Variants in ZSWIM3 observed in about 807,000 individuals in gnomAD.
ZSWIM3 encodes zinc finger SWIM-type containing 3.
ZSWIM3 carries 27 observed loss-of-function variants against 47.5 expected under a neutral mutation model. The observed-to-expected ratio is 0.57, with a 90% CI of 0.42 to 0.78. The LOEUF (loss-of-function observed/expected upper bound fraction) is 0.78, where lower values mean the gene tolerates loss of function less well. Ranked by LOEUF, ZSWIM3 falls within the 30% of genes least tolerant of loss-of-function variation. The pLI is 0.00. For missense variants in ZSWIM3, 689 were observed against 861.3 expected (o/e 0.80, Z 2.50); for synonymous variants, 333 against 333.9 (o/e 1.00, Z 0.03).
At chr20:45,862,265 A>G (rs1035733058) in intron 1 of ZSWIM3, among the ~76,000 whole-genome samples, 1 of 149,698 alleles carries the variant, frequency 6.7e-6, no homozygotes, top group African/African-American at 2.5e-5. Flanking sequence ...CTCCTGCCTC[A>G]GCCTCCCAAG....
Position 45,857,928 on chromosome 20 carries a change from T to G in ZSWIM3, c.103T>G (p.Ser35Ala), listed in dbSNP as rs1324600758. 6.9e-7 allele frequency: 1 copy of G among 1,442,796 alleles called. No individual in the cohort carries two copies. The highest frequency in any genetic ancestry group is 3.3e-5 in the East Asian group (1 of 29,992). The allele number at this position is 1,442,796 out of a possible 1,614,324, so 89.4% of individuals were successfully genotyped here. Residue 35 changes from serine (S) to alanine (A), a missense_variant, in exon 1 of 2, where the codon TCC (serine) becomes GCC (alanine). Ser to Ala is a moderately conservative substitution (Grantham distance 99). Transcript: ENST00000255152. ...CTCCTTCATTCTCAGGGACTGCGTCTCCGTCCGCTTCCACAACCTCAACCA... is the reference window on the plus strand; with the variant it reads ...CTCCTTCATTCTCAGGGACTGCGTCGCCGTCCGCTTCCACAACCTCAACCA... ...RCSFILRDCVSVRFHNLNHGT... is the reference protein window; with the variant it reads ...RCSFILRDCVAVRFHNLNHGT...
At chr20:45,860,427 A>ACTGC (rs1985676799) in intron 1 of ZSWIM3, among the ~76,000 whole-genome samples, 1 of 150,178 alleles carries the variant, frequency 6.7e-6, no homozygotes, top group Non-Finnish European at 1.5e-5. Context: ...AGGCAGCAGA[A>ACTGC]TTGCAGCCGG....
At chr20:45,867,518 G>A (rs1402472340) in intron 1 of ZSWIM3, among the ~76,000 whole-genome samples, 4 of 152,136 alleles carry the variant, frequency 2.6e-5, no homozygotes, top group Admixed American at 1.3e-4. Flanking sequence ...GAATTATGCT[G>A]ACAAGGATGT....
At chr20:45,871,142 T>C (rs868191906) in intron 1 of ZSWIM3, among the ~76,000 whole-genome samples, 2 of 152,240 alleles carry the variant, frequency 1.3e-5, no homozygotes, top group African/African-American at 4.8e-5. Flanking sequence ...CAAGAATTCA[T>C]TGAGCACTAT....
chr20:45,871,830 C>T (rs1315505278), intron 1 of ZSWIM3, among the ~76,000 whole-genome samples: 1 of 146,184 alleles, frequency 6.8e-6, no homozygotes, highest in Non-Finnish European at 1.5e-5. Context: ...TACTGCACTC[C>T]AGCCTGGGCA....
intron 1 of ZSWIM3, chr20:45,872,905 C>T (rs1410987611): frequency 6.8e-6 from 8 of 1,175,538 alleles, no homozygotes; most frequent in Non-Finnish European, 8.6e-6. Flanking sequence ...GCTTGCCCCA[C>T]AGGGTGAGCA....
At position 45,877,051 on chromosome 20, in the gene ZSWIM3, G is replaced by A. The variant is rs372685280; in HGVS notation, c.493G>A (p.Gly165Ser). The A allele has an allele frequency of 6.2e-7, 1 of 1,614,074 alleles. No individual in the cohort carries two copies. Among genetic ancestry groups the A allele is most frequent in the Non-Finnish European group, 8.5e-7 (1 of 1,180,044 alleles). Residue 165 changes from glycine to serine, a missense_variant, in exon 2 of 2, where the codon GGC becomes AGC. Physicochemically the swap from Gly to Ser is moderately conservative, Grantham distance 56 (BLOSUM62 0). Transcript: ENST00000255152. The part of the protein sequence containing the change: ...VQVSSKPEQE[G>S]ITPSDLAKIA... ...AGTGTCCTCAAAGCCAGAGCAGGAA[G>A]GCATCACTCCTTCTGACCTGGCCAA...
At chr20:45,863,472 A>G (rs1236534705) in intron 1 of ZSWIM3, among the ~76,000 whole-genome samples, 1 of 152,206 alleles carries the variant, frequency 6.6e-6, no homozygotes, top group African/African-American at 2.4e-5. Context: ...CTTGCTCAGA[A>G]AAAACTGTCA....
intron 1 of ZSWIM3, chr20:45,872,602 G>A (rs972116631): frequency 1.2e-6 from 1 of 823,552 alleles, no homozygotes; most frequent in Non-Finnish European, 1.7e-6. Context: ...CAGACAAAGG[G>A]ACAAACATGC....
Position 45,878,044 on chromosome 20 carries a change from G to A in ZSWIM3, c.1486G>A (p.Asp496Asn). ...QVPPSQVGMLDTLHQSGSELA... is the reference protein window; with the variant it reads ...QVPPSQVGMLNTLHQSGSELA... ...GCCGCCCTCGCAGGTTGGCATGCTG[G>A]ACACCTTGCACCAGAGTGGCTCTGA... The change falls in exon 2 of 2, where the codon GAC becomes AAC. Residue 496 changes from aspartate (D) to asparagine (N), a missense_variant. Coordinates refer to ENST00000255152, the MANE Select transcript of ZSWIM3 (RefSeq NM_080752.4). 1.2e-6 allele frequency: 2 copies of A among 1,614,152 alleles called. No homozygotes were observed.
At chr20:45,872,639 C>A in intron 1 of ZSWIM3, 1 of 1,104,720 alleles carries the variant, frequency 9.1e-7, no homozygotes, top group Non-Finnish European at 1.2e-6. Context: ...GCATGGTGAA[C>A]ACACAAAGTT....
chr20:45,866,596 A>C (rs1250714276), intron 1 of ZSWIM3, among the ~76,000 whole-genome samples: 8 of 152,200 alleles, frequency 5.3e-5, no homozygotes, highest in Non-Finnish European at 1.0e-4. Context: ...GCTTGAGCCC[A>C]GAAGTTCAAG....
chr20:45,862,234 G>C lies in ZSWIM3; in HGVS notation c.155+4254G>C, dbSNP rs1212462390. 2.0e-5 allele frequency among the ~76,000 whole-genome samples: 3 copies of C among 147,196 alleles called. No homozygotes were observed. In the Admixed American group the frequency reaches 2.1e-4, roughly 10 times the overall value. On this transcript the variant is annotated intron_variant, in intron 1 of 1. Transcript: ENST00000255152. ...GCGATCTTGGCTCCCCGCAACCTTT[G>C]ACTCCCTGGTTCAAGCGATTCTCCT...
Position 45,863,307 on chromosome 20 carries a change from A to C in ZSWIM3, c.155+5327A>C, listed in dbSNP as rs138565066. On this transcript the variant is annotated intron_variant, in intron 1 of 1. Transcript: ENST00000255152. ...CTCTGCTCTTGTGGAGACAAATACT[A>C]ATCTATAATCACAGAAATAATAATT... 5.0e-3 allele frequency among the ~76,000 whole-genome samples: 757 copies of C among 152,298 alleles called. 8 individuals are homozygous for C. The highest frequency in any genetic ancestry group is 0.02 in the Middle Eastern group (6 of 294).
At chr20:45,873,014 G>T (rs987537574) in intron 1 of ZSWIM3, among the ~76,000 whole-genome samples, 2 of 152,118 alleles carry the variant, frequency 1.3e-5, no homozygotes, top group African/African-American at 4.8e-5. Context: ...CCCTTCCCCT[G>T]GTCTTTGGGC....
Position 45,866,999 on chromosome 20 carries a change from GA to G in ZSWIM3, c.155+9022del, listed in dbSNP as rs369072116. Among the ~76,000 whole-genome samples, 5 of 86,594 alleles carry G rather than the reference GA, an allele frequency of 5.8e-5. 2 individuals are homozygous for G. The allele number at this position is 86,594 out of a possible 152,430, so 56.8% of individuals were successfully genotyped here. On this transcript the variant is annotated intron_variant, in intron 1 of 1. Transcript: ENST00000255152. ...AAAAAAATAAAATCAGATCAAGTTA[GA>G]AATTTTTTTTTTTTTTTTTTTTTGA... is the stretch of plus-strand genomic sequence containing the variant.
In ZSWIM3 at chr20:45,878,511, C is replaced by T. The variant is rs747605406; in HGVS notation, c.1953C>T (p.Ile651=). 6.2e-7 allele frequency: 1 copy of T among 1,614,216 alleles called. No homozygotes were observed. Among genetic ancestry groups the T allele is most frequent in the South Asian group, 1.1e-5 (1 of 91,090 alleles). ...CCACCCTGCGCAAGATTGTGGATAT[C>T]TGGGCTGGCCCCTCCCAGCCATCTG... ...RYSTLRKIVD[I]WAGPSQPSEL... is the part of the protein sequence containing the mutation. Residue 651 remains isoleucine (I), a synonymous_variant, in exon 2 of 2, where the codon ATC becomes ATT. Coordinates refer to ENST00000255152, the MANE Select transcript of ZSWIM3 (RefSeq NM_080752.4).
At chr20:45,870,046 GAA>G in intron 1 of ZSWIM3, among the ~76,000 whole-genome samples, 1 of 53,756 alleles carries the variant, frequency 1.9e-5, no homozygotes, top group African/African-American at 5.7e-5. Flanking sequence ...TCCGTCTCAA[GAA>G]AAAAAAAAAA....
At position 45,877,597 on chromosome 20, in the gene ZSWIM3, C is replaced by G; in HGVS notation, c.1039C>G (p.Leu347Val). 2.5e-6 allele frequency: 4 copies of G among 1,614,200 alleles called. No homozygotes were observed. The highest frequency in any genetic ancestry group is 2.5e-6 in the Non-Finnish European group (3 of 1,180,038). The change falls in exon 2 of 2, where the codon CTG (leucine) becomes GTG (valine). Residue 347 changes from leucine (L) to valine (V), a missense_variant. Leu to Val is a conservative substitution (Grantham distance 32). Transcript: ENST00000255152. ...EAVFVTSEAS[L>V]KNLCQMSQAV... ...CGTGTTTGTCACTTCTGAAGCCAGC[C>G]TGAAAAATCTCTGCCAGATGTCCCA...
Sources: allele counts gnomAD v4.1 joint callset (sites outside exome capture counted in the v4.1 genomes callset), GRCh38; gene constraint gnomAD v4.1.1; transcripts MANE v1.5; gene names NCBI Gene and HGNC (gene_info 2026-07-23, HGNC 2026-07-21).